Variants in OS9 observed in about 807,000 individuals in gnomAD.
OS9 encodes protein OS-9.
OS9 carries 58 observed loss-of-function variants against 84.7 expected under a neutral mutation model. The observed-to-expected ratio is 0.68, with a 90% CI of 0.55 to 0.85. OS9 has a LOEUF of 0.85. Among genes scored for constraint, OS9 ranks in the 40% least tolerant of loss-of-function variants. The pLI is 0.00. For missense variants in OS9, 760 were observed against 850.9 expected (o/e 0.89, Z 1.33); for synonymous variants, 278 against 320.8 (o/e 0.87, Z 1.43).
At chr12:57,711,320 C>A (rs1691121582) in intron 5 of OS9, among the ~76,000 whole-genome samples, 1 of 131,314 alleles carries the variant, frequency 7.6e-6, no homozygotes, top group South Asian at 2.6e-4. Context: ...TTAGAGAGAT[C>A]TTTCAATGGC....
chr12:57,718,616 A>G (rs1954582861), intron 11 of OS9, among the ~76,000 whole-genome samples, 195 bp downstream of exon 11: 1 of 151,696 alleles, frequency 6.6e-6, no homozygotes, highest in Admixed American at 6.6e-5. Flanking sequence ...TAAATATCAG[A>G]CTCTCTGGCC....
intron 5 of OS9, among the ~76,000 whole-genome samples, chr12:57,699,140 T>G (rs926232119): frequency 2.6e-5 from 4 of 152,202 alleles, no homozygotes; most frequent in African/African-American, 9.7e-5. Context: ...GTGATTCGTG[T>G]TCCTGAGATA....
intron 5 of OS9, among the ~76,000 whole-genome samples, chr12:57,700,305 G>A (rs936194472): frequency 3.3e-5 from 5 of 151,268 alleles, no homozygotes. Flanking sequence ...GGAGAGGGAA[G>A]TCAAGGTACA....
rs748742054 is a variant in OS9 at position 57,717,890 on chromosome 12, G to A, written c.1066G>A (p.Val356Ile). Residue 356 changes from valine to isoleucine, a missense_variant, in exon 10 of 15, where the codon GTC (valine) becomes ATC (isoleucine). Val to Ile is a conservative substitution (Grantham distance 29). Coordinates refer to ENST00000315970, the MANE Select transcript of OS9 (RefSeq NM_006812.4). Reference sequence around the variant, plus strand: ...CTCAGATTTTCAGAACAACGTGCAGGTCAAAGTCATTCGAAGCCCTGCGGA... The same window carrying A: ...CTCAGATTTTCAGAACAACGTGCAGATCAAAGTCATTCGAAGCCCTGCGGA... The part of the protein sequence containing the change: ...APNDFQNNVQ[V>I]KVIRSPADLI... The A allele has an allele frequency of 3.1e-6, 5 of 1,612,040 alleles. No individual in the cohort carries two copies. The highest frequency in any genetic ancestry group is 2.5e-6 in the Non-Finnish European group (3 of 1,179,094).
Position 57,718,363 on chromosome 12 carries a change from G to C in OS9, c.1352G>C (p.Arg451Pro). The part of the protein sequence containing the change: ...EGILLPSDRD[R>P]LRSEVKAGME... The stretch of plus-strand genomic sequence containing the variant: ...ATCCTGCTTCCGTCAGACCGAGACC[G>C]GCTCCGTTCGGAGGTGAAGGCTGGC... Residue 451 changes from arginine (R) to proline (P), a missense_variant, in exon 11 of 15, where the codon CGG becomes CCG. Physicochemically the swap from Arg to Pro is moderately radical, Grantham distance 103 (BLOSUM62 -2). Transcript: ENST00000315970. 6.2e-7 allele frequency: 1 copy of C among 1,614,206 alleles called. No individual in the cohort carries two copies. Among genetic ancestry groups the C allele is most frequent in the Non-Finnish European group, 8.5e-7 (1 of 1,180,048 alleles).
At position 57,695,786 on chromosome 12, in the gene OS9, G is replaced by A. The variant is rs1214652092; in HGVS notation, c.346G>A (p.Asp116Asn). ...TTTATTTTTTAATTGTCAGACAAAG[G>A]ACTGGTGGACATATGAATTCTGTTA... ...RDAPCLLKTK[D>N]WWTYEFCYGR... Residue 116 changes from aspartate to asparagine, a missense_variant, in exon 3 of 15, where the codon GAC becomes AAC. Physicochemically the swap from Asp to Asn is conservative, Grantham distance 23. Transcript: ENST00000315970. The A allele has an allele frequency of 2.5e-6, 4 of 1,606,026 alleles. No homozygotes were observed. The highest frequency in any genetic ancestry group is 2.6e-6 in the Non-Finnish European group (3 of 1,172,776).
intron 5 of OS9, among the ~76,000 whole-genome samples, chr12:57,702,451 G>A (rs919436079): frequency 6.6e-6 from 1 of 152,140 alleles, no homozygotes; most frequent in Non-Finnish European, 1.5e-5. Context: ...TCCATTGTCT[G>A]TATATACATT....
intron 12 of OS9, chr12:57,719,775 A>G (rs1954619230): frequency 3.6e-6 from 1 of 275,462 alleles, no homozygotes. Flanking sequence ...AGGAGACCAC[A>G]CTTTTCCAAC....
intron 5 of OS9, among the ~76,000 whole-genome samples, chr12:57,712,581 T>G (rs981266046): frequency 6.6e-6 from 1 of 152,194 alleles, no homozygotes; most frequent in African/African-American, 2.4e-5. Context: ...CACAGGTGGT[T>G]TCTGTTGCCT....
intron 5 of OS9, among the ~76,000 whole-genome samples, chr12:57,715,174 G>A (rs2140327265): frequency 6.6e-6 from 1 of 152,216 alleles, no homozygotes; most frequent in African/African-American, 2.4e-5. Context: ...GACCAGCTGG[G>A]CTAACATGGT....
rs539998817 is a variant in OS9 at position 57,719,916 on chromosome 12, G to T, written c.1601-183G>T. 347 of 565,986 alleles carry T rather than the reference G, an allele frequency of 6.1e-4. 3 individuals carry two copies. The highest frequency in any genetic ancestry group is 2.5e-4 in the Non-Finnish European group (79 of 321,778). 35.1% of individuals were successfully genotyped at this position (565,986 alleles called of 1,614,324 possible). On this transcript the variant is annotated intron_variant, in intron 12 of 14. Transcript: ENST00000315970. ...AGATGGAAGGCTGCAATTGGTGGAGGGAGCTCTACAGGCTGAACTGGGAGG... is the reference window on the plus strand; with the variant it reads ...AGATGGAAGGCTGCAATTGGTGGAGTGAGCTCTACAGGCTGAACTGGGAGG...
intron 5 of OS9, among the ~76,000 whole-genome samples, chr12:57,706,793 G>C (rs1954180380): frequency 6.9e-6 from 1 of 145,712 alleles, no homozygotes; most frequent in Non-Finnish European, 1.5e-5. Flanking sequence ...AGGCTGTTAG[G>C]AGCTGTTATC....
intron 5 of OS9, among the ~76,000 whole-genome samples, chr12:57,704,070 T>G (rs1954098859): frequency 6.6e-6 from 1 of 152,216 alleles, no homozygotes; most frequent in South Asian, 2.1e-4. Context: ...GATGATCATT[T>G]GGGTTTTTTC....
At position 57,718,366 on chromosome 12, in the gene OS9, T is replaced by A; in HGVS notation, c.1355T>A (p.Leu452His). Reference protein sequence around the residue: ...GILLPSDRDRLRSEVKAGMER... With the variant: ...GILLPSDRDRHRSEVKAGMER... Reference sequence around the variant, plus strand: ...CTGCTTCCGTCAGACCGAGACCGGCTCCGTTCGGAGGTGAAGGCTGGCATG... The same window carrying A: ...CTGCTTCCGTCAGACCGAGACCGGCACCGTTCGGAGGTGAAGGCTGGCATG... The change falls in exon 11 of 15, where the codon CTC becomes CAC. Residue 452 changes from leucine (L) to histidine (H), a missense_variant. Physicochemically the swap from Leu to His is moderately conservative, Grantham distance 99. Coordinates refer to ENST00000315970, the MANE Select transcript of OS9 (RefSeq NM_006812.4). The A allele has an allele frequency of 1.2e-6, 2 of 1,614,064 alleles. No homozygotes were observed. Among genetic ancestry groups the A allele is most frequent in the Non-Finnish European group, 1.7e-6 (2 of 1,180,002 alleles).
At chr12:57,709,698 G>A (rs1954272331) in intron 5 of OS9, among the ~76,000 whole-genome samples, 1 of 152,010 alleles carries the variant, frequency 6.6e-6, no homozygotes, top group South Asian at 2.1e-4. Context: ...GGTGGATTTG[G>A]CAATTTTGTT....
At position 57,718,364 on chromosome 12, in the gene OS9, G is replaced by A. The variant is rs201871993; in HGVS notation, c.1353G>A (p.Arg451=). 3 of 1,614,236 alleles carry A rather than the reference G, an allele frequency of 1.9e-6. No homozygotes were observed. The highest frequency in any genetic ancestry group is 1.3e-5 in the African/African-American group (1 of 75,062). The change falls in exon 11 of 15, where the codon CGG becomes CGA. Residue 451 remains arginine (R), a synonymous_variant. Transcript: ENST00000315970. ...EGILLPSDRD[R]LRSEVKAGME... ...TCCTGCTTCCGTCAGACCGAGACCG[G>A]CTCCGTTCGGAGGTGAAGGCTGGCA...
chr12:57,720,639 C>T, intron 14 of OS9, 121 bp downstream of exon 14: 1 of 1,280,188 alleles, frequency 7.8e-7, no homozygotes, highest in African/African-American at 1.5e-5. Context: ...GGCTGGGGTT[C>T]CAGTGGCTCA....
chr12:57,718,408 ACAT>A lies in OS9; in HGVS notation c.1402_1404del (p.Ile468del). The A allele has an allele frequency of 6.2e-7, 1 of 1,613,382 alleles. No homozygotes were observed. Among genetic ancestry groups the A allele is most frequent in the Non-Finnish European group, 8.5e-7 (1 of 1,179,616 alleles). ...GCTGGCATGGAGCGGGAACTGGAAA[ACAT>A]CATCCAGGAGGCAAGCCCAGCTCTT... On this transcript the variant is annotated inframe_deletion, in exon 11 of 15. Transcript: ENST00000315970.
At chr12:57,696,079 A>G (rs377620025) in intron 4 of OS9, 41 bp downstream of exon 4, 1 of 1,460,228 alleles carries the variant, frequency 6.8e-7, no homozygotes, top group Non-Finnish European at 9.6e-7. Context: ...GGTTCTGGCC[A>G]CCGGCTGAGA....
Sources: gnomAD v4.1 joint callset for allele counts (sites outside exome capture counted in the v4.1 genomes callset) on GRCh38, gnomAD v4.1.1 for gene constraint, MANE v1.5 for transcripts, NCBI Gene and HGNC (gene_info 2026-07-23, HGNC 2026-07-21) for gene names.